The following SERPINA10 variants were observed in gnomAD, a reference collection of about 807,000 sequenced individuals.
SERPINA10 encodes serpin family A member 10, also known as protein Z-dependent protease inhibitor.
A neutral mutation model predicts 28.0 loss-of-function variants in SERPINA10; 24 were observed. The ratio of observed to expected loss-of-function variants is 0.86; its 90% CI spans 0.62 to 1.20. The LOEUF is 1.20. Ranked by LOEUF, SERPINA10 falls within the 50% of genes most tolerant of loss-of-function variation. SERPINA10 has a pLI of 0.00. For missense variants in SERPINA10, 521 were observed against 537.7 expected (o/e 0.97, Z 0.31); for synonymous variants, 207 against 203.9 (o/e 1.02, Z -0.13).
rs529075207 is a variant in SERPINA10, at chr14:94,281,976, T to G, written c.*1989A>C. ...TTTTTCCACAAACAAATCTGACTAA[T>G]TGAACACAAACAAGGTGACTTAAGA... On this transcript the variant is annotated 3_prime_UTR_variant, in exon 5 of 5. Coordinates refer to ENST00000261994, the MANE Select transcript of SERPINA10 (RefSeq NM_001100607.3). 6.6e-6 allele frequency: 1 copy of G among 152,594 alleles called. No homozygotes were observed. The highest frequency in any genetic ancestry group is 1.5e-5 in the Non-Finnish European group (1 of 68,018). The allele number at this position is 152,594 out of a possible 1,614,324, so 9.5% of individuals were successfully genotyped here.
At chr14:94,291,219 TCTTCCTTC>T (rs917794027) in intron 1 of SERPINA10, among the ~76,000 whole-genome samples, 1 of 151,592 alleles carries the variant, frequency 6.6e-6, no homozygotes, top group African/African-American at 2.4e-5. Context: ...TCCTTGGAGG[TCTTCCTTC>T]CTTCCTTCCT....
intron 1 of SERPINA10, among the ~76,000 whole-genome samples, chr14:94,292,309 G>C (rs1895198681): frequency 6.6e-6 from 1 of 152,086 alleles, no homozygotes; most frequent in African/African-American, 2.4e-5. Flanking sequence ...ACGGTGCGAA[G>C]GTGGCCATCT....
rs1894881083 is a variant in SERPINA10, at chr14:94,280,864, GT to G, written c.*3100del. On this transcript the variant is annotated 3_prime_UTR_variant, in exon 5 of 5. Coordinates refer to ENST00000261994, the MANE Select transcript of SERPINA10 (RefSeq NM_001100607.3). Reference sequence around the variant, plus strand: ...AGAGGTTAAATAAGGAGCACATAAAGTTTTTCTTTATAACCTCTTACACATT... The same window carrying G: ...AGAGGTTAAATAAGGAGCACATAAAGTTTTCTTTATAACCTCTTACACATT... 1 of 152,122 alleles carries G rather than the reference GT, an allele frequency of 6.6e-6. No individual in the cohort carries two copies. The highest frequency in any genetic ancestry group is 2.4e-5 in the African/African-American group (1 of 41,440). The allele number at this position is 152,122 out of a possible 1,614,324, so 9.4% of individuals were successfully genotyped here. A position where few individuals can be genotyped will look rare whatever the true frequency, so the allele number is the denominator to read the frequency against.
chr14:94,285,643 G>A (rs1895005023), intron 4 of SERPINA10, among the ~76,000 whole-genome samples: 1 of 151,872 alleles, frequency 6.6e-6, no homozygotes, highest in South Asian at 2.1e-4. Context: ...TCAAAGAAAT[G>A]GTGAGTTTGA....
chr14:94,290,055 T>C lies in SERPINA10; in HGVS notation c.539A>G (p.Asn180Ser), dbSNP rs752994713. The change falls in exon 2 of 5, where the codon AAT becomes AGT. Residue 180 changes from asparagine (N) to serine (S), a missense_variant. Transcript: ENST00000261994. Reference protein sequence around the residue: ...KDFDVKETFFNLSKRYFDTEC... With the variant: ...KDFDVKETFFSLSKRYFDTEC... Reference sequence around the variant, plus strand: ...TGTATCAAAATACCTCTTGGATAAATTGAAGAAAGTCTCTTTGACATCAAA... The same window carrying C: ...TGTATCAAAATACCTCTTGGATAAACTGAAGAAAGTCTCTTTGACATCAAA... The C allele has an allele frequency of 6.2e-7, 1 of 1,614,216 alleles. No individual in the cohort carries two copies. The highest frequency in any genetic ancestry group is 8.5e-7 in the Non-Finnish European group (1 of 1,180,034).
Position 94,283,979 on chromosome 14 carries a change from G to T in SERPINA10, c.1321C>A (p.Pro441Thr). ...CGTGTCCTGAATTATAGGAGAGTCG[G>T]ATTCACCACCCTGCCCAGAAACAGA... ...MLLFLGRVVN[P>T]TLL The change falls in exon 5 of 5, where the codon CCG (proline) becomes ACG (threonine). Residue 441 changes from proline (P) to threonine (T), a missense_variant. Coordinates refer to ENST00000261994, the MANE Select transcript of SERPINA10 (RefSeq NM_001100607.3). The T allele has an allele frequency of 6.2e-7, 1 of 1,613,986 alleles. No individual in the cohort carries two copies. Among genetic ancestry groups the T allele is most frequent in the Non-Finnish European group, 8.5e-7 (1 of 1,179,872 alleles).
At position 94,290,377 on chromosome 14, in the gene SERPINA10, G is replaced by A. The variant is rs1895139643; in HGVS notation, c.217C>T (p.Gln73Ter). 6.2e-6 allele frequency: 10 copies of A among 1,614,192 alleles called. No individual in the cohort carries two copies. The highest frequency in any genetic ancestry group is 1.3e-5 in the African/African-American group (1 of 75,066). The change falls in exon 2 of 5, where the codon CAG becomes TAG. Residue 73 changes from glutamine (Q) to a stop codon, truncating the protein, a stop_gained. Coordinates refer to ENST00000261994, the MANE Select transcript of SERPINA10 (RefSeq NM_001100607.3). LOFTEE classifies it high-confidence loss of function. ...TTTGAAGTCTCCTTGGCAAGCTGCTGCCTGCTGGCCATCAGCCAGGCTTTC... is the reference window on the plus strand; with the variant it reads ...TTTGAAGTCTCCTTGGCAAGCTGCTACCTGCTGGCCATCAGCCAGGCTTTC... ...EEKAWLMASR[Q>*]QLAKETSNFG...
Position 94,290,109 on chromosome 14 carries a change from T to G in SERPINA10, c.485A>C (p.Gln162Pro). Residue 162 changes from glutamine to proline, a missense_variant, in exon 2 of 5, where the codon CAG becomes CCG. Transcript: ENST00000261994. Reference protein sequence around the residue: ...LSRNLELGLTQGSFAFIHKDF... With the variant: ...LSRNLELGLTPGSFAFIHKDF... ...CTTGTGGATGAAGGCAAAACTCCCC[T>G]GTGTGAGGCCCAGTTCCAGGTTGCG... 6.2e-7 allele frequency: 1 copy of G among 1,614,200 alleles called. No individual in the cohort carries two copies. Among genetic ancestry groups the G allele is most frequent in the Non-Finnish European group, 8.5e-7 (1 of 1,180,040 alleles).
intron 4 of SERPINA10, among the ~76,000 whole-genome samples, chr14:94,284,804 A>G (rs1259980826): frequency 2.0e-5 from 3 of 152,198 alleles, no homozygotes; most frequent in African/African-American, 7.2e-5. Flanking sequence ...CATAACATGT[A>G]ATTACACTGA....
At chr14:94,285,234 A>T (rs746494416) in intron 4 of SERPINA10, among the ~76,000 whole-genome samples, 4 of 152,192 alleles carry the variant, frequency 2.6e-5, no homozygotes, top group Admixed American at 2.6e-4. Flanking sequence ...TACTGGCATT[A>T]GTGAACATGG....
chr14:94,283,784 G>T lies in SERPINA10; in HGVS notation c.*181C>A. 1 of 638,962 alleles carries T rather than the reference G, an allele frequency of 1.6e-6. No individual in the cohort carries two copies. The highest frequency in any genetic ancestry group is 2.8e-6 in the Non-Finnish European group (1 of 363,546). 39.6% of individuals were successfully genotyped at this position (638,962 alleles called of 1,614,324 possible). Reference sequence around the variant, plus strand: ...GTCCACCGTTTCAGGCATCTGCTGGGGGTCTTTGAATGTATCCCCCTCAGA... The same window carrying T: ...GTCCACCGTTTCAGGCATCTGCTGGTGGTCTTTGAATGTATCCCCCTCAGA... On this transcript the variant is annotated 3_prime_UTR_variant, in exon 5 of 5. Coordinates refer to ENST00000261994, the MANE Select transcript of SERPINA10 (RefSeq NM_001100607.3).
chr14:94,289,884 A>C lies in SERPINA10; in HGVS notation c.710T>G (p.Leu237Trp), dbSNP rs769740792. ...ETKLILVDYI[L>W]FKGKWLTPFD... is the part of the protein sequence containing the mutation. ...GAACATTATCAAAGTACCTTTGAAC[A>C]AGATGTAATCCACAAGAATTAATTT... The change falls in exon 2 of 5, where the codon TTG becomes TGG. Residue 237 changes from leucine (L) to tryptophan (W), a missense_variant. Physicochemically the swap from Leu to Trp is moderately conservative, Grantham distance 61 (BLOSUM62 -2). Transcript: ENST00000261994. The C allele has an allele frequency of 5.6e-6, 9 of 1,614,044 alleles. No individual in the cohort carries two copies. The highest frequency in any genetic ancestry group is 7.6e-6 in the Non-Finnish European group (9 of 1,180,022).
Position 94,290,299 on chromosome 14 carries a change from C to G in SERPINA10, c.295G>C (p.Val99Leu). 6.2e-7 allele frequency: 1 copy of G among 1,614,246 alleles called. No individual in the cohort carries two copies. The highest frequency in any genetic ancestry group is 1.1e-5 in the South Asian group (1 of 91,090). Reference sequence around the variant, plus strand: ...AAGGACATGCCAAATGGAGAGAAGACCATGTTGCCATCGTGCCTCATGGAG... The same window carrying G: ...AAGGACATGCCAAATGGAGAGAAGAGCATGTTGCCATCGTGCCTCATGGAG... ...KISMRHDGNM[V>L]FSPFGMSLAM... The change falls in exon 2 of 5, where the codon GTC becomes CTC. Residue 99 changes from valine (V) to leucine (L), a missense_variant. Transcript: ENST00000261994.
At position 94,290,033 on chromosome 14, in the gene SERPINA10, A is replaced by G. The variant is rs1220084628; in HGVS notation, c.561T>C (p.Asp187=). 12 of 1,614,232 alleles carry G rather than the reference A, an allele frequency of 7.4e-6. No homozygotes were observed. The highest frequency in any genetic ancestry group is 1.1e-5 in the South Asian group (1 of 91,080). Residue 187 remains aspartate (D), a synonymous_variant, in exon 2 of 5, where the codon GAT becomes GAC. Coordinates refer to ENST00000261994, the MANE Select transcript of SERPINA10 (RefSeq NM_001100607.3). ...TFFNLSKRYF[D]TECVPMNFRN... ...GAAAATTCATAGGCACGCACTCTGT[A>G]TCAAAATACCTCTTGGATAAATTGA...
At chr14:94,291,243 T>C (rs1325683559) in intron 1 of SERPINA10, among the ~76,000 whole-genome samples, 3 of 152,132 alleles carry the variant, frequency 2.0e-5, no homozygotes, top group African/African-American at 7.2e-5. Context: ...TTCCTTCCTA[T>C]AGCTGCAGCT....
chr14:94,282,859 C>G lies in SERPINA10; in HGVS notation c.*1106G>C, dbSNP rs1040512278. The G allele has an allele frequency of 8.5e-5, 13 of 152,226 alleles. No homozygotes were observed. In the South Asian group the frequency reaches 2.5e-3, roughly 29 times the overall value. 9.4% of individuals were successfully genotyped at this position (152,226 alleles called of 1,614,324 possible). Reference sequence around the variant, plus strand: ...GGAGGAGTCTACAAGGTTAAACGTGCCTAGGGCCCATGAAAGTAAGAATAT... The same window carrying G: ...GGAGGAGTCTACAAGGTTAAACGTGGCTAGGGCCCATGAAAGTAAGAATAT... On this transcript the variant is annotated 3_prime_UTR_variant, in exon 5 of 5. Coordinates refer to ENST00000261994, the MANE Select transcript of SERPINA10 (RefSeq NM_001100607.3).
chr14:94,287,030 A>G (rs1224629537), intron 3 of SERPINA10, among the ~76,000 whole-genome samples: 1 of 152,088 alleles, frequency 6.6e-6, no homozygotes, highest in Non-Finnish European at 1.5e-5. Context: ...TATTGCAGCC[A>G]TTTTCCTTGT....
rs1160046242 is a variant in SERPINA10, at chr14:94,290,555, C to G, written c.39G>C (p.Leu13=). ...AGCCGGGTACCAGCCACACCTGTGCCAGGAGGACGGAGAGCAGGAGACTTG... is the reference window on the plus strand; with the variant it reads ...AGCCGGGTACCAGCCACACCTGTGCGAGGAGGACGGAGAGCAGGAGACTTG... ...VVPSLLLSVL[L]AQVWLVPGLA... The change falls in exon 2 of 5, where the codon CTG becomes CTC. Residue 13 remains leucine (L), a synonymous_variant. Transcript: ENST00000261994. 6.2e-7 allele frequency: 1 copy of G among 1,613,522 alleles called. No homozygotes were observed. The highest frequency in any genetic ancestry group is 1.3e-5 in the African/African-American group (1 of 74,904).
At position 94,283,959 on chromosome 14, in the gene SERPINA10, C is replaced by T; in HGVS notation, c.*6G>A. On this transcript the variant is annotated 3_prime_UTR_variant, in exon 5 of 5. Coordinates refer to ENST00000261994, the MANE Select transcript of SERPINA10 (RefSeq NM_001100607.3). ...TACAGCACGAAGTGCTTATGCGTGT[C>T]CTGAATTATAGGAGAGTCGGATTCA... 2 of 1,613,842 alleles carry T rather than the reference C, an allele frequency of 1.2e-6. No individual in the cohort carries two copies. Among genetic ancestry groups the T allele is most frequent in the South Asian group, 2.2e-5 (2 of 91,070 alleles).
Sources: gnomAD v4.1 joint callset for allele counts (sites outside exome capture counted in the v4.1 genomes callset) on GRCh38, gnomAD v4.1.1 for gene constraint, MANE v1.5 for transcripts, NCBI Gene and HGNC (gene_info 2026-07-23, HGNC 2026-07-21) for gene names.